FHIT: variants seen among roughly 807,000 people sequenced by gnomAD.
FHIT encodes bis(5'-adenosyl)-triphosphatase.
Under a neutral mutation model 17.9 loss-of-function variants are expected in FHIT, and 19 were observed. That is an observed-to-expected ratio of 1.06 (90% CI 0.74 to 1.56). The LOEUF is 1.56. Among genes scored for constraint, FHIT ranks in the 40% most tolerant of loss-of-function variants. The pLI is 0.00. For missense variants in FHIT, 248 were observed against 189.2 expected, an observed-to-expected ratio of 1.31 and a Z score of -1.82; for synonymous variants, 81 against 69.7, an observed-to-expected ratio of 1.16 and a Z score of -0.81.
At chr3:61,080,248 A>AT (rs2035094502) in intron 2 of FHIT, among the ~76,000 whole-genome samples, 1 of 152,186 alleles carries the variant, frequency 6.6e-6, no homozygotes, top group South Asian at 2.1e-4. Flanking sequence ...TATGCACAAT[A>AT]TAATCAAATC....
At chr3:61,203,677 G>C (rs1001698002) in intron 1 of FHIT, among the ~76,000 whole-genome samples, 1 of 152,090 alleles carries the variant, frequency 6.6e-6, no homozygotes. Flanking sequence ...ACAATTTTTA[G>C]CATTTGCCAA....
intron 5 of FHIT, among the ~76,000 whole-genome samples, chr3:60,490,832 T>TC (rs2034032546): frequency 6.6e-6 from 1 of 152,166 alleles, no homozygotes; most frequent in African/African-American, 2.4e-5. Context: ...GATAGTAGCA[T>TC]CATGCTACTT....
intron 2 of FHIT, among the ~76,000 whole-genome samples, chr3:61,105,786 T>C (rs187444084): frequency 6.6e-6 from 1 of 152,320 alleles, no homozygotes; most frequent in East Asian, 1.9e-4. Context: ...AAGTTATTTG[T>C]GCAGAAAAGG....
At chr3:60,927,556 C>A (rs1392287875) in intron 3 of FHIT, among the ~76,000 whole-genome samples, 1 of 152,006 alleles carries the variant, frequency 6.6e-6, no homozygotes. Context: ...TCTGCCTGGC[C>A]GCCCATCATC....
At chr3:61,094,123 A>AGTGTGTGTGTGTGT (rs146715486) in intron 2 of FHIT, among the ~76,000 whole-genome samples, 166 of 150,274 alleles carry the variant, frequency 1.1e-3, no homozygotes, top group African/African-American at 3.8e-3. Flanking sequence ...AATGCAACCA[A>AGTGTGTGTGTGTGT]GTGTGTGTGT....
At chr3:60,619,580 A>G (rs1274890522) in intron 4 of FHIT, among the ~76,000 whole-genome samples, 1 of 145,320 alleles carries the variant, frequency 6.9e-6, no homozygotes, top group Admixed American at 7.0e-5. Flanking sequence ...ATGGATCTAG[A>G]ACAAATGGAT....
intron 7 of FHIT, among the ~76,000 whole-genome samples, chr3:59,935,940 C>T (rs979025016): frequency 6.6e-6 from 1 of 152,176 alleles, no homozygotes; most frequent in Non-Finnish European, 1.5e-5. Context: ...ATTATGATCA[C>T]ATTGTACACA....
At chr3:61,234,451 C>T (rs763075251) in intron 1 of FHIT, among the ~76,000 whole-genome samples, 1 of 151,952 alleles carries the variant, frequency 6.6e-6, no homozygotes, top group African/African-American at 2.4e-5. Context: ...AAAATGCATA[C>T]AATATATTGA....
intron 5 of FHIT, among the ~76,000 whole-genome samples, chr3:60,347,218 G>T (rs1256721327): frequency 6.6e-6 from 1 of 151,960 alleles, no homozygotes; most frequent in Non-Finnish European, 1.5e-5. Context: ...CATTTGCATT[G>T]TCTACAAAGC....
chr3:60,277,235 T>C (rs1373943434), intron 5 of FHIT, among the ~76,000 whole-genome samples: 2 of 152,110 alleles, frequency 1.3e-5, no homozygotes, highest in Non-Finnish European at 1.5e-5. Flanking sequence ...TATAAAGAAG[T>C]TGGAAGCTGC....
At chr3:60,472,437 C>T (rs1017913458) in intron 5 of FHIT, among the ~76,000 whole-genome samples, 8 of 147,812 alleles carry the variant, frequency 5.4e-5, no homozygotes, top group Admixed American at 1.4e-4. Context: ...GGCGTGATCT[C>T]GGCTCACTGC....
chr3:60,898,853 G>A (rs1274703211), intron 3 of FHIT, among the ~76,000 whole-genome samples: 2 of 152,118 alleles, frequency 1.3e-5, no homozygotes, highest in Non-Finnish European at 2.9e-5. Flanking sequence ...TTTATGGAAA[G>A]GAATTTATGG....
chr3:60,675,941 G>A (rs1030345178), intron 4 of FHIT, among the ~76,000 whole-genome samples: 2 of 152,128 alleles, frequency 1.3e-5, no homozygotes, highest in South Asian at 2.1e-4. Context: ...TTTATTTATT[G>A]ATTTTATCTT....
chr3:60,813,556 T>C (rs1164975153), intron 4 of FHIT, among the ~76,000 whole-genome samples: 2 of 152,132 alleles, frequency 1.3e-5, no homozygotes, highest in African/African-American at 4.8e-5. Flanking sequence ...CAAACACGTG[T>C]TGTAAAACAT....
rs534474130 is a variant in FHIT at position 60,897,274 on chromosome 3, T to C, written c.-110-75263A>G. 7.2e-5 allele frequency among the ~76,000 whole-genome samples: 11 copies of C among 152,324 alleles called. No homozygotes were observed. In the South Asian group the frequency reaches 1.5e-3, roughly 20 times the overall value. ...CATATTTTCATATACTTAAGGACCC[T>C]TTTTTATCAATTTTTGTGAACTTTC... On this transcript the variant is annotated intron_variant, in intron 3 of 9. Transcript: ENST00000492590.
At chr3:60,718,089 T>A (rs1413046687) in intron 4 of FHIT, among the ~76,000 whole-genome samples, 1 of 152,216 alleles carries the variant, frequency 6.6e-6, no homozygotes, top group African/African-American at 2.4e-5. Flanking sequence ...TTCACCAACA[T>A]CTTGAAATTT....
intron 3 of FHIT, among the ~76,000 whole-genome samples, chr3:60,947,140 C>T (rs933656918): frequency 6.6e-6 from 1 of 152,076 alleles, no homozygotes; most frequent in African/African-American, 2.4e-5. Flanking sequence ...ACATTTGTAG[C>T]AGGAAGAGGT....
At chr3:60,569,744 TA>T (rs1559547634) in intron 4 of FHIT, among the ~76,000 whole-genome samples, 10,286 of 75,900 alleles carry the variant, frequency 0.14, 704 homozygotes, top group Non-Finnish European at 0.17. Context: ...TATATATATA[TA>T]TATATATATA....
At chr3:60,929,554 C>G (rs1264999205) in intron 3 of FHIT, among the ~76,000 whole-genome samples, 7 of 151,368 alleles carry the variant, frequency 4.6e-5, no homozygotes, top group Non-Finnish European at 7.3e-5. Flanking sequence ...CACAAGCATT[C>G]TTATATACCA....
Sources: gnomAD v4.1 joint callset for allele counts (sites outside exome capture counted in the v4.1 genomes callset) on GRCh38, gnomAD v4.1.1 for gene constraint, MANE v1.5 for transcripts, NCBI Gene and HGNC (gene_info 2026-07-23, HGNC 2026-07-21) for gene names.